Variants in TENM3 observed in about 807,000 individuals in gnomAD.
TENM3 encodes the protein teneurin-3.
A neutral mutation model predicts 255.1 loss-of-function variants in TENM3; 63 were observed. That is an observed-to-expected ratio of 0.25 (90% CI 0.20 to 0.30). The LOEUF (loss-of-function observed/expected upper bound fraction) is 0.30. Ranked by LOEUF, TENM3 falls within the 10% of genes least tolerant of loss-of-function variation. The pLI, the probability that TENM3 is intolerant of heterozygous loss-of-function variation, is 1.00. For synonymous variants in TENM3, 1,306 were observed against 1,322.3 expected (o/e 0.99, Z 0.27); for missense variants, 2,929 against 3,461.1 (o/e 0.85, Z 3.86).
At chr4:182,490,627 C>T (rs899833878) in intron 3 of TENM3, among the ~76,000 whole-genome samples, 6 of 152,088 alleles carry the variant, frequency 3.9e-5, no homozygotes, top group African/African-American at 1.2e-4. Context: ...TGTTGCATGA[C>T]GTAAAATACC....
At chr4:182,465,328 G>A (rs922891305) in intron 3 of TENM3, among the ~76,000 whole-genome samples, 1 of 152,082 alleles carries the variant, frequency 6.6e-6, no homozygotes, top group South Asian at 2.1e-4. Context: ...ATTAGGTCCC[G>A]AGGACTTCAG....
At chr4:181,890,246 C>A in the TENM3 span, among the ~76,000 whole-genome samples, 1 of 152,122 alleles carries the variant, frequency 6.6e-6, no homozygotes, top group Non-Finnish European at 1.5e-5. Flanking sequence ...GTTTAATTAT[C>A]AGAATTGTCA....
the TENM3 span, among the ~76,000 whole-genome samples, chr4:181,943,255 T>C: frequency 6.6e-6 from 1 of 152,168 alleles, no homozygotes; most frequent in Non-Finnish European, 1.5e-5. Flanking sequence ...TGCCTAGAGT[T>C]AGGCATTATG....
At chr4:181,830,866 G>A in the TENM3 span, among the ~76,000 whole-genome samples, 192 of 152,118 alleles carry the variant, frequency 1.3e-3, 3 homozygotes, top group East Asian at 0.033. Context: ...GCTTATCTAC[G>A]CTGACTGAAG....
intron 1 of TENM3, among the ~76,000 whole-genome samples, chr4:182,257,949 T>C (rs1350171488): frequency 6.6e-6 from 1 of 152,168 alleles, no homozygotes; most frequent in Non-Finnish European, 1.5e-5. Flanking sequence ...ACTATTTTGT[T>C]GTTTTTACTC....
chr4:182,579,098 T>G (rs1301072805), intron 3 of TENM3, among the ~76,000 whole-genome samples: 1 of 152,224 alleles, frequency 6.6e-6, no homozygotes, highest in Non-Finnish European at 1.5e-5. Flanking sequence ...ACCTGCCTTC[T>G]TCTGTATCTC....
At chr4:182,400,327 T>C (rs1010242054) in intron 3 of TENM3, among the ~76,000 whole-genome samples, 2 of 152,228 alleles carry the variant, frequency 1.3e-5, no homozygotes, top group African/African-American at 4.8e-5. Context: ...GGCTGAGGGT[T>C]TGGAATGTTT....
chr4:182,671,593 T>C (rs1414259219), intron 6 of TENM3, among the ~76,000 whole-genome samples: 1 of 152,192 alleles, frequency 6.6e-6, no homozygotes, highest in African/African-American at 2.4e-5. Context: ...ACCCAGGTAA[T>C]TACTACTTGA....
intron 1 of TENM3, among the ~76,000 whole-genome samples, chr4:182,198,959 AAG>A (rs569727136): frequency 6.0e-4 from 91 of 152,186 alleles, no homozygotes; most frequent in Admixed American, 2.0e-3. Flanking sequence ...CACATGAAAG[AAG>A]AAGTAGGCCC....
At chr4:181,517,059 T>C in the TENM3 span, among the ~76,000 whole-genome samples, 1 of 152,044 alleles carries the variant, frequency 6.6e-6, no homozygotes, top group Non-Finnish European at 1.5e-5. Context: ...CCTGGGCTTA[T>C]ACTCTGGTTT....
At chr4:182,172,786 C>T (rs1752195382) in intron 1 of TENM3, among the ~76,000 whole-genome samples, 1 of 151,880 alleles carries the variant, frequency 6.6e-6, no homozygotes, top group African/African-American at 2.4e-5. Flanking sequence ...GTTTCTGCCA[C>T]CCAGAAACAT....
chr4:182,287,435 C>A (rs1019969281), intron 1 of TENM3, among the ~76,000 whole-genome samples: 31 of 152,146 alleles, frequency 2.0e-4, no homozygotes, highest in African/African-American at 7.5e-4. Flanking sequence ...TGCCCTTTCA[C>A]CAGACCCTCA....
rs149039282 is a variant in TENM3 at position 182,445,277 on chromosome 4, T to C, written c.511+98348T>C. Among the ~76,000 whole-genome samples the C allele has an allele frequency of 1.9e-4, 29 of 152,302 alleles. No homozygotes were observed. The East Asian group carries it at 4.6e-3, about 24-fold the overall frequency. Reference sequence around the variant, plus strand: ...AAGCTCCAGTTCTTCATCTATAAAATGGGATGATATTACTCTTCTCATATG... The same window carrying C: ...AAGCTCCAGTTCTTCATCTATAAAACGGGATGATATTACTCTTCTCATATG... On this transcript the variant is annotated intron_variant, in intron 3 of 27. Coordinates refer to ENST00000511685, the MANE Select transcript of TENM3 (RefSeq NM_001080477.4).
At chr4:182,353,216 GGTT>G (rs1398126933) in intron 3 of TENM3, among the ~76,000 whole-genome samples, 1 of 152,100 alleles carries the variant, frequency 6.6e-6, no homozygotes, top group Non-Finnish European at 1.5e-5. Flanking sequence ...AGCCTACTTT[GGTT>G]GTTGATTGAA....
chr4:182,272,867 A>G (rs900903248), intron 1 of TENM3, among the ~76,000 whole-genome samples: 6 of 152,082 alleles, frequency 3.9e-5, no homozygotes, highest in Non-Finnish European at 5.9e-5. Flanking sequence ...TGGCTGAGTG[A>G]GATGGTTTCC....
At chr4:182,400,691 T>C (rs1404424937) in intron 3 of TENM3, among the ~76,000 whole-genome samples, 1 of 152,206 alleles carries the variant, frequency 6.6e-6, no homozygotes, top group East Asian at 1.9e-4. Context: ...AAATTCACAA[T>C]GCAAGCATAT....
At chr4:182,384,311 G>GTTTTT (rs10638816) in intron 3 of TENM3, among the ~76,000 whole-genome samples, 11 of 147,854 alleles carry the variant, frequency 7.4e-5, no homozygotes, top group Non-Finnish European at 1.3e-4. Flanking sequence ...CTGTGGTTCA[G>GTTTTT]TTTTTTTTTT....
chr4:181,833,860 G>A, the TENM3 span, among the ~76,000 whole-genome samples: 1 of 152,230 alleles, frequency 6.6e-6, no homozygotes, highest in Non-Finnish European at 1.5e-5. Flanking sequence ...GGGGTGTCCT[G>A]CTATCATTTC....
chr4:181,584,615 G>A, the TENM3 span, among the ~76,000 whole-genome samples: 1 of 151,868 alleles, frequency 6.6e-6, no homozygotes, highest in African/African-American at 2.4e-5. Context: ...TTTCTTCTAC[G>A]GTCCTACCCC....
Sources: gnomAD v4.1 joint callset for allele counts (sites outside exome capture counted in the v4.1 genomes callset) on GRCh38, gnomAD v4.1.1 for gene constraint, MANE v1.5 for transcripts, NCBI Gene and HGNC (gene_info 2026-07-23, HGNC 2026-07-21) for gene names.